ANTXR1: variants seen among roughly 807,000 people sequenced by gnomAD.
ANTXR1 encodes the protein ANTXR cell adhesion molecule 1, also known as anthrax toxin receptor 1.
ANTXR1 carries 19 observed loss-of-function variants against 78.1 expected under a neutral mutation model. The observed-to-expected ratio is 0.24, with a 90% CI of 0.17 to 0.36. The LOEUF (loss-of-function observed/expected upper bound fraction) is 0.36. ANTXR1 is among the 10% of genes least tolerant of loss of function. The probability of loss-of-function intolerance (pLI) is 1.00; values close to 1 mark genes in which losing one functional copy is unlikely to be tolerated. For missense variants in ANTXR1, 518 were observed against 718.6 expected (o/e 0.72, Z 3.19); for synonymous variants, 273 against 260.5 (o/e 1.05, Z -0.46).
intron 13 of ANTXR1, among the ~76,000 whole-genome samples, chr2:69,162,894 CTG>C (rs1673718324): frequency 6.6e-6 from 1 of 152,064 alleles, no homozygotes; most frequent in African/African-American, 2.4e-5. Flanking sequence ...ACATTCAAAA[CTG>C]TGCGATCTTA....
At chr2:69,039,029 A>G (rs1482546177) in intron 1 of ANTXR1, among the ~76,000 whole-genome samples, 1 of 152,228 alleles carries the variant, frequency 6.6e-6, no homozygotes, top group Non-Finnish European at 1.5e-5. Context: ...TGCATAATAA[A>G]TAAAAATAAT....
intron 1 of ANTXR1, among the ~76,000 whole-genome samples, chr2:69,030,761 C>T (rs1038268933): frequency 5.3e-5 from 8 of 151,980 alleles, no homozygotes; most frequent in Non-Finnish European, 8.8e-5. Flanking sequence ...TCTCCCAAGG[C>T]GCAATTTTTC....
intron 3 of ANTXR1, among the ~76,000 whole-genome samples, chr2:69,046,879 T>A (rs891116313): frequency 6.6e-6 from 1 of 152,212 alleles, no homozygotes; most frequent in Non-Finnish European, 1.5e-5. Context: ...TTGAGAGACC[T>A]TATAGAATTA....
chr2:69,039,959 A>G lies in ANTXR1; in HGVS notation c.153-85A>G, dbSNP rs1423323202. The G allele has an allele frequency of 1.6e-5, 19 of 1,170,248 alleles. No individual in the cohort carries two copies. The Admixed American group carries it at 3.2e-4, about 20-fold the overall frequency. 72.5% of individuals were successfully genotyped at this position (1,170,248 alleles called of 1,614,324 possible). On this transcript the variant is annotated intron_variant, in intron 1 of 17. Transcript: ENST00000303714. ...TCCAGTTATTGGAGAGGTCAAATGT[A>G]AAATAACAGAATGTGAAGATAAATA...
At chr2:69,124,483 A>G (rs1442582341) in intron 11 of ANTXR1, 82 bp from the exon 12 acceptor site, 2 of 1,220,348 alleles carry the variant, frequency 1.6e-6, no homozygotes, top group Non-Finnish European at 2.4e-6. Context: ...GCAGAGCCCA[A>G]AGGAGTCCTG....
intron 3 of ANTXR1, among the ~76,000 whole-genome samples, chr2:69,064,950 A>C (rs1372673739): frequency 6.6e-6 from 1 of 152,244 alleles, no homozygotes; most frequent in Non-Finnish European, 1.5e-5. Context: ...AAATGATTTA[A>C]AACCAATGAA....
chr2:69,024,809 C>G (rs1402633296), intron 1 of ANTXR1, among the ~76,000 whole-genome samples: 1 of 152,146 alleles, frequency 6.6e-6, no homozygotes, highest in South Asian at 2.1e-4. Flanking sequence ...TTATTGGTCT[C>G]TTTGCTTCAT....
At chr2:69,095,753 T>G (rs191899170) in intron 9 of ANTXR1, among the ~76,000 whole-genome samples, 125 of 152,328 alleles carry the variant, frequency 8.2e-4, no homozygotes, top group Non-Finnish European at 1.6e-3. Context: ...AGAATGGCCA[T>G]CTGTAAGCAG....
intron 8 of ANTXR1, among the ~76,000 whole-genome samples, chr2:69,085,707 T>A (rs75632492): frequency 6.0e-5 from 9 of 149,724 alleles, no homozygotes; most frequent in African/African-American, 9.8e-5. Context: ...GACCAAACAA[T>A]AAAAAAAAAA....
Position 69,225,790 on chromosome 2 carries a change from C to CACT in ANTXR1, c.1435-19433_1435-19431dup, listed in dbSNP as rs1197823939. 4.6e-5 allele frequency among the ~76,000 whole-genome samples: 7 copies of CACT among 152,294 alleles called. No homozygotes were observed. In the East Asian group the frequency reaches 1.4e-3, roughly 29 times the overall value. On this transcript the variant is annotated intron_variant, in intron 17 of 17. Transcript: ENST00000303714. Reference sequence around the variant, plus strand: ...CTCTTCAGGGAGCTTATGGATTGAACACTAGCAAATGTTGGGTGCTATTCC... The same window carrying CACT: ...CTCTTCAGGGAGCTTATGGATTGAACACTACTAGCAAATGTTGGGTGCTATTCC...
intron 17 of ANTXR1, among the ~76,000 whole-genome samples, chr2:69,203,974 C>G (rs182317637): frequency 2.0e-5 from 3 of 152,094 alleles, no homozygotes; most frequent in Non-Finnish European, 4.4e-5. Flanking sequence ...TCATTTTTTC[C>G]CTTCCAAACA....
At chr2:69,020,148 A>G (rs781248387) in intron 1 of ANTXR1, among the ~76,000 whole-genome samples, 19 of 152,182 alleles carry the variant, frequency 1.2e-4, no homozygotes, top group Non-Finnish European at 2.8e-4. Flanking sequence ...TCTTTGAGGA[A>G]TTGCCACACT....
chr2:69,075,216 A>G (rs1274224187), intron 6 of ANTXR1, among the ~76,000 whole-genome samples: 1 of 152,192 alleles, frequency 6.6e-6, no homozygotes, highest in African/African-American at 2.4e-5. Context: ...CAAAGGCCCC[A>G]TTCTTTTGTG....
chr2:69,135,377 GT>G (rs1672879851), intron 12 of ANTXR1, among the ~76,000 whole-genome samples: 1 of 152,078 alleles, frequency 6.6e-6, no homozygotes, highest in Non-Finnish European at 1.5e-5. Flanking sequence ...AGAACTAGAA[GT>G]TAAATCAAAA....
At chr2:69,148,996 T>C (rs1041213713) in intron 12 of ANTXR1, among the ~76,000 whole-genome samples, 6 of 152,360 alleles carry the variant, frequency 3.9e-5, no homozygotes, top group African/African-American at 1.4e-4. Flanking sequence ...AGGTTGCACG[T>C]ACACGTTATC....
At chr2:69,070,565 A>G (rs1670535407) in intron 3 of ANTXR1, 82 bp from the exon 4 acceptor site, 1 of 1,281,882 alleles carries the variant, frequency 7.8e-7, no homozygotes, top group African/African-American at 1.5e-5. Context: ...CCACAGAGGT[A>G]AGAAGAAGAC....
At chr2:69,218,726 A>G (rs1675240404) in intron 17 of ANTXR1, among the ~76,000 whole-genome samples, 1 of 152,232 alleles carries the variant, frequency 6.6e-6, no homozygotes, top group South Asian at 2.1e-4. Flanking sequence ...CATGACAGCC[A>G]GGAACACAGC....
At chr2:69,069,408 T>C (rs1008545317) in intron 3 of ANTXR1, among the ~76,000 whole-genome samples, 1 of 152,180 alleles carries the variant, frequency 6.6e-6, no homozygotes, top group Non-Finnish European at 1.5e-5. Flanking sequence ...CAAAGAGCTG[T>C]CATAAGGCTT....
At chr2:69,048,118 G>A (rs548722901) in intron 3 of ANTXR1, among the ~76,000 whole-genome samples, 1 of 152,108 alleles carries the variant, frequency 6.6e-6, no homozygotes, top group East Asian at 1.9e-4. Context: ...ACTCCAAGGA[G>A]AGTCTTGTTC....
Sources: allele counts gnomAD v4.1 joint callset (sites outside exome capture counted in the v4.1 genomes callset), GRCh38; gene constraint gnomAD v4.1.1; transcripts MANE v1.5; gene names NCBI Gene and HGNC (gene_info 2026-07-23, HGNC 2026-07-21).